SLC26A3: variants seen among roughly 807,000 people sequenced by gnomAD.
SLC26A3 encodes chloride anion exchanger.
In SLC26A3, 64 loss-of-function variants were observed where a neutral mutation model predicts 85.6. The ratio of observed to expected loss-of-function variants is 0.75; its 90% CI spans 0.61 to 0.92. The LOEUF is 0.92. Ranked by LOEUF, SLC26A3 falls within the 40% of genes least tolerant of loss-of-function variation. SLC26A3 has a pLI of 0.00. For missense variants in SLC26A3, 922 were observed against 927.3 expected (o/e 0.99, Z 0.07); for synonymous variants, 349 against 336.0 (o/e 1.04, Z -0.42).
intron 18 of SLC26A3, among the ~76,000 whole-genome samples, chr7:107,770,947 G>A (rs558635548): frequency 2.9e-4 from 44 of 152,226 alleles, no homozygotes; most frequent in African/African-American, 9.1e-4. Flanking sequence ...AGTTATTGTC[G>A]GAAAAATTCC....
chr7:107,770,046 C>CTTTCTTTCTT (rs1361736164), intron 18 of SLC26A3, among the ~76,000 whole-genome samples: 2 of 110,936 alleles, frequency 1.8e-5, no homozygotes, highest in Non-Finnish European at 3.7e-5. Flanking sequence ...TTCTTTCTTT[C>CTTTCTTTCTT]TTTCTCTTTT....
At chr7:107,794,200 G>A (rs1422317414) in intron 2 of SLC26A3, among the ~76,000 whole-genome samples, 179 bp downstream of exon 2, 2 of 152,132 alleles carry the variant, frequency 1.3e-5, no homozygotes, top group South Asian at 4.1e-4. Flanking sequence ...GCCGAGATGG[G>A]GTTCATTTTA....
chr7:107,783,214 A>G lies in SLC26A3; in HGVS notation c.1110T>C (p.Asp370=), dbSNP rs1794239351. The G allele has an allele frequency of 6.2e-7, 1 of 1,614,086 alleles. No homozygotes were observed. The highest frequency in any genetic ancestry group is 1.7e-5 in the Admixed American group (1 of 59,998). The change falls in exon 9 of 21, where the codon GAT becomes GAC. Residue 370 remains aspartate (D), a synonymous_variant. Coordinates refer to ENST00000340010, the MANE Select transcript of SLC26A3 (RefSeq NM_000111.3). The part of the protein sequence containing the change: ...VYSLKYDYPL[D]GNQELIALGL... ...TAGTTTGTTTACTTACCTGATTGCC[A>G]TCAAGTGGATAATCGTATTTGAGGG... is the stretch of plus-strand genomic sequence containing the variant.
At chr7:107,797,247 AC>A (rs1451532629) in intron 1 of SLC26A3, among the ~76,000 whole-genome samples, 1 of 152,174 alleles carries the variant, frequency 6.6e-6, no homozygotes, top group Non-Finnish European at 1.5e-5. Flanking sequence ...TAATCCCAGC[AC>A]TTTGGGAGGC....
At chr7:107,801,115 G>A (rs1477417167) in intron 1 of SLC26A3, among the ~76,000 whole-genome samples, 1 of 152,210 alleles carries the variant, frequency 6.6e-6, no homozygotes, top group African/African-American at 2.4e-5. Flanking sequence ...GAGTATTACT[G>A]TGGATGGAGG....
In SLC26A3 at chr7:107,784,326, C is replaced by T. The variant is rs181680630; in HGVS notation, c.972-974G>A. On this transcript the variant is annotated intron_variant, in intron 8 of 20. Transcript: ENST00000340010. ...TTATTCTTTTGTTCTGGTCTCTGAA[C>T]ACCATAGACAGAATGATGTGATGAA... Among the ~76,000 whole-genome samples the T allele has an allele frequency of 1.4e-4, 21 of 152,308 alleles. No homozygotes were observed. In the East Asian group the frequency reaches 3.9e-3, roughly 28 times the overall value.
chr7:107,776,898 C>A lies in SLC26A3; in HGVS notation c.1515-192G>T, dbSNP rs188707117. On this transcript the variant is annotated intron_variant, in intron 13 of 20. Transcript: ENST00000340010. ...CTTATCTTTGTGTCCTCTCACAGCA[C>A]CTGAAAAGTGCCTCCCATTTGTCAT... is the stretch of plus-strand genomic sequence containing the variant. The A allele has an allele frequency of 6.6e-4, 429 of 646,854 alleles. 1 individual carries two copies. In the African/African-American group the frequency reaches 7.5e-3, roughly 11 times the overall value. 40.1% of individuals were successfully genotyped at this position (646,854 alleles called of 1,614,324 possible). A position where few individuals can be genotyped will look rare whatever the true frequency, so the allele number is the denominator to read the frequency against.
At chr7:107,787,331 G>T in intron 7 of SLC26A3, 26 bp downstream of exon 7, 1 of 1,612,744 alleles carries the variant, frequency 6.2e-7, no homozygotes, top group Non-Finnish European at 8.5e-7. Flanking sequence ...GAGTAGCTAT[G>T]ACAGAGTCTG....
At chr7:107,781,203 C>A (rs1794210491) in intron 11 of SLC26A3, among the ~76,000 whole-genome samples, 1 of 152,140 alleles carries the variant, frequency 6.6e-6, no homozygotes, top group Admixed American at 6.6e-5. Flanking sequence ...GGTATCCATA[C>A]TGCATTTGAT....
intron 8 of SLC26A3, among the ~76,000 whole-genome samples, chr7:107,785,563 T>C (rs1257721439): frequency 2.0e-5 from 3 of 152,238 alleles, no homozygotes; most frequent in Non-Finnish European, 4.4e-5. Flanking sequence ...ATTCATTTTT[T>C]CTATTTGGTT....
At position 107,793,827 on chromosome 7, in the gene SLC26A3, A is replaced by G; in HGVS notation, c.186T>C (p.Ser62=). Residue 62 remains serine (S), a synonymous_variant, in exon 3 of 21, where the codon TCT becomes TCC. Coordinates refer to ENST00000340010, the MANE Select transcript of SLC26A3 (RefSeq NM_000111.3). ...CTTTAAGCCGGTATGCTGGCAACCA[A>G]GATGCTATGGGGAACAAAGAGAGGA... The part of the protein sequence containing the change: ...RIVLSLFPIA[S]WLPAYRLKEW... The G allele has an allele frequency of 6.2e-7, 1 of 1,614,144 alleles. No homozygotes were observed. Among genetic ancestry groups the G allele is most frequent in the Non-Finnish European group, 8.5e-7 (1 of 1,180,006 alleles).
intron 1 of SLC26A3, among the ~76,000 whole-genome samples, chr7:107,797,180 G>A (rs1330501552): frequency 6.6e-6 from 1 of 152,178 alleles, no homozygotes; most frequent in Admixed American, 6.5e-5. Context: ...CCTGCTCAGG[G>A]TAGGAATCAG....
chr7:107,766,389 A>G (rs929745254), intron 20 of SLC26A3, among the ~76,000 whole-genome samples: 10 of 152,110 alleles, frequency 6.6e-5, no homozygotes, highest in African/African-American at 1.9e-4. Flanking sequence ...TCTGAATACA[A>G]TTACTGAGGA....
At position 107,776,721 on chromosome 7, in the gene SLC26A3, A is replaced by G; in HGVS notation, c.1515-15T>C. 1 of 1,610,252 alleles carries G rather than the reference A, an allele frequency of 6.2e-7. No homozygotes were observed. The highest frequency in any genetic ancestry group is 8.5e-7 in the Non-Finnish European group (1 of 1,177,480). ...TGCATTTTGGACTGTAGGGAGAAAA[A>G]CACCAAGTAAATCATTCATGTATGT... On this transcript the variant is annotated splice_polypyrimidine_tract_variant and intron_variant, in intron 13 of 20. Coordinates refer to ENST00000340010, the MANE Select transcript of SLC26A3 (RefSeq NM_000111.3).
chr7:107,784,075 A>G (rs1794253233), intron 8 of SLC26A3, among the ~76,000 whole-genome samples: 1 of 152,232 alleles, frequency 6.6e-6, no homozygotes, highest in African/African-American at 2.4e-5. Context: ...CTATAAGCAT[A>G]TATTTCTGAC....
Position 107,794,581 on chromosome 7 carries a change from T to C in SLC26A3, c.-72A>G. ...TGTGGTGAACACTTCTTCTTGCCTTTAGCAGGTTAAAAATGCCTGAAACCA... is the reference window on the plus strand; with the variant it reads ...TGTGGTGAACACTTCTTCTTGCCTTCAGCAGGTTAAAAATGCCTGAAACCA... On this transcript the variant is annotated 5_prime_UTR_variant, in exon 2 of 21. An upstream open reading frame in the 5' UTR loses its in-frame stop. Transcript: ENST00000340010. The C allele has an allele frequency of 1.3e-6, 2 of 1,576,292 alleles. No individual in the cohort carries two copies. The highest frequency in any genetic ancestry group is 1.1e-5 in the South Asian group (1 of 90,102).
chr7:107,768,668 C>T (rs1793955589), intron 18 of SLC26A3, among the ~76,000 whole-genome samples: 1 of 152,068 alleles, frequency 6.6e-6, no homozygotes, highest in South Asian at 2.1e-4. Context: ...ATTCCCAGCA[C>T]ATAGTATGTC....
chr7:107,791,689 C>G (rs1562881073), intron 4 of SLC26A3, 141 bp downstream of exon 4: 1 of 593,514 alleles, frequency 1.7e-6, no homozygotes, highest in Admixed American at 2.5e-5. Flanking sequence ...CCCTCCATCT[C>G]AAACCCTGGT....
At chr7:107,774,896 C>T in intron 15 of SLC26A3, 24 bp from the exon 16 acceptor site, 1 of 1,547,430 alleles carries the variant, frequency 6.5e-7, no homozygotes, top group Non-Finnish European at 8.9e-7. Flanking sequence ...TGCTGTGTTA[C>T]AAGAGTACTG....
Sources: gnomAD v4.1 joint callset for allele counts (sites outside exome capture counted in the v4.1 genomes callset) on GRCh38, gnomAD v4.1.1 for gene constraint, MANE v1.5 for transcripts, NCBI Gene and HGNC (gene_info 2026-07-23, HGNC 2026-07-21) for gene names.